GYS2: variants seen among roughly 807,000 people sequenced by gnomAD.
GYS2 encodes the protein glycogen [starch] synthase, liver.
Under a neutral mutation model 85.6 loss-of-function variants are expected in GYS2, and 80 were observed. The observed-to-expected ratio is 0.93, with a 90% CI of 0.78 to 1.13. The LOEUF is 1.13. Among genes scored for constraint, GYS2 ranks in the 50% most tolerant of loss-of-function variants. The pLI is 0.00. For missense variants in GYS2, 881 were observed against 854.9 expected, an observed-to-expected ratio of 1.03 and a Z score of -0.38; for synonymous variants, 328 against 300.7, an observed-to-expected ratio of 1.09 and a Z score of -0.94.
intron 11 of GYS2, among the ~76,000 whole-genome samples, chr12:21,557,544 A>G (rs895124779): frequency 2.0e-5 from 3 of 152,226 alleles, no homozygotes; most frequent in African/African-American, 7.2e-5. Context: ...AACACTATCC[A>G]TGTTAATATC....
At chr12:21,597,230 A>T (rs561000771) in intron 1 of GYS2, among the ~76,000 whole-genome samples, 9 of 152,168 alleles carry the variant, frequency 5.9e-5, no homozygotes, top group African/African-American at 1.9e-4. Flanking sequence ...GCTAAAATAC[A>T]TCTGCACAGT....
intron 1 of GYS2, among the ~76,000 whole-genome samples, chr12:21,585,311 G>C (rs1459000135): frequency 6.6e-6 from 1 of 152,152 alleles, no homozygotes; most frequent in African/African-American, 2.4e-5. Flanking sequence ...GACACTTTGG[G>C]CTCCTCCCAC....
chr12:21,549,411 C>T (rs1944080071), intron 11 of GYS2, among the ~76,000 whole-genome samples: 1 of 152,204 alleles, frequency 6.6e-6, no homozygotes, highest in Non-Finnish European at 1.5e-5. Context: ...AGCATTCTTA[C>T]ATAATCTTAC....
Position 21,536,256 on chromosome 12 carries a change from C to G in GYS2, c.*698G>C, listed in dbSNP as rs1943909315. 6.6e-6 allele frequency: 1 copy of G among 151,898 alleles called. No homozygotes were observed. The highest frequency in any genetic ancestry group is 1.5e-5 in the Non-Finnish European group (1 of 67,992). 9.4% of individuals were successfully genotyped at this position (151,898 alleles called of 1,614,324 possible). A position where few individuals can be genotyped will look rare whatever the true frequency, so the allele number is the denominator to read the frequency against. ...CAAGTTATCATCTATGAAGATTGAC[C>G]AAATTTTAAAAAGGCTTTCTATTTA... On this transcript the variant is annotated 3_prime_UTR_variant, in exon 16 of 16. Coordinates refer to ENST00000261195, the MANE Select transcript of GYS2 (RefSeq NM_021957.4).
intron 4 of GYS2, among the ~76,000 whole-genome samples, chr12:21,573,656 G>T (rs1235009177): frequency 3.3e-5 from 5 of 152,160 alleles, no homozygotes; most frequent in Admixed American, 1.3e-4. Context: ...CAAAGTTACA[G>T]GGAAAACTGA....
intron 1 of GYS2, among the ~76,000 whole-genome samples, chr12:21,589,299 A>G (rs1944608300): frequency 6.6e-6 from 1 of 152,254 alleles, no homozygotes; most frequent in Non-Finnish European, 1.5e-5. Context: ...TGAAATGAAA[A>G]GAAAAACATA....
In GYS2 at chr12:21,576,131, G is replaced by T. The variant is rs11046126; in HGVS notation, c.304-74C>A. 19,849 of 1,201,430 alleles carry T rather than the reference G, an allele frequency of 0.017. 259 individuals are homozygous for T. Among genetic ancestry groups the T allele is most frequent in the Non-Finnish European group, 0.02 (16,310 of 815,872 alleles). The allele number at this position is 1,201,430 out of a possible 1,614,324, so 74.4% of individuals were successfully genotyped here. A position where few individuals can be genotyped will look rare whatever the true frequency, so the allele number is the denominator to read the frequency against. ...CAGGACAATGTATTTGCACTCTGAG[G>T]ATATAAACTTTATGTAGTACTCAAT... On this transcript the variant is annotated intron_variant, in intron 2 of 15. Transcript: ENST00000261195.
intron 1 of GYS2, among the ~76,000 whole-genome samples, chr12:21,596,796 G>C (rs1026359611): frequency 2.0e-5 from 3 of 152,142 alleles, no homozygotes; most frequent in African/African-American, 7.2e-5. Flanking sequence ...AATCAGTAAA[G>C]AGGAAGTCAA....
chr12:21,594,168 C>A (rs1167730293), intron 1 of GYS2, among the ~76,000 whole-genome samples: 1 of 152,086 alleles, frequency 6.6e-6, no homozygotes, highest in Non-Finnish European at 1.5e-5. Context: ...AAGCTGGAAG[C>A]CTTTCCTCTA....
intron 1 of GYS2, among the ~76,000 whole-genome samples, chr12:21,583,977 T>G (rs1238319591): frequency 1.3e-5 from 2 of 152,200 alleles, no homozygotes; most frequent in Admixed American, 6.5e-5. Context: ...GATGGTCTCA[T>G]GGGGAGTTCC....
intron 1 of GYS2, among the ~76,000 whole-genome samples, chr12:21,600,155 T>C (rs900799016): frequency 3.9e-5 from 6 of 152,152 alleles, no homozygotes; most frequent in African/African-American, 1.4e-4. Flanking sequence ...GGTCTCACTC[T>C]GTCACCCCGG....
chr12:21,596,026 G>A (rs1333930562), intron 1 of GYS2, among the ~76,000 whole-genome samples: 1 of 152,024 alleles, frequency 6.6e-6, no homozygotes, highest in African/African-American at 2.4e-5. Context: ...ATTTCTCCAA[G>A]GTAGACCATA....
chr12:21,589,902 C>A (rs886204545), intron 1 of GYS2, among the ~76,000 whole-genome samples: 2 of 152,136 alleles, frequency 1.3e-5, no homozygotes, highest in Admixed American at 6.5e-5. Flanking sequence ...GTTCCTCAGA[C>A]CCCAACATCA....
In GYS2 at chr12:21,579,408, C is replaced by T. The variant is rs1174412188; in HGVS notation, c.303+934G>A. 2.9e-5 allele frequency among the ~76,000 whole-genome samples: 4 copies of T among 137,060 alleles called. No individual in the cohort carries two copies. The East Asian group carries it at 8.7e-4, about 30-fold the overall frequency. 89.9% of individuals were successfully genotyped at this position (137,060 alleles called of 152,430 possible). ...CACTTTTGTTGCCCAAGCAGGCGAGCAATGGCACGATCTCAGCTCATTGCA... is the reference window on the plus strand; with the variant it reads ...CACTTTTGTTGCCCAAGCAGGCGAGTAATGGCACGATCTCAGCTCATTGCA... On this transcript the variant is annotated intron_variant, in intron 2 of 15. Coordinates refer to ENST00000261195, the MANE Select transcript of GYS2 (RefSeq NM_021957.4).
intron 1 of GYS2, among the ~76,000 whole-genome samples, chr12:21,588,266 C>G (rs1339757076): frequency 6.6e-6 from 1 of 152,174 alleles, no homozygotes; most frequent in East Asian, 1.9e-4. Flanking sequence ...TACTATATTT[C>G]TTAAATGTAT....
intron 11 of GYS2, among the ~76,000 whole-genome samples, chr12:21,550,733 G>T (rs1226186462): frequency 6.6e-6 from 1 of 152,130 alleles, no homozygotes; most frequent in Non-Finnish European, 1.5e-5. Flanking sequence ...CTGAGGTCAG[G>T]AGTTCGAGAC....
intron 1 of GYS2, among the ~76,000 whole-genome samples, chr12:21,584,476 T>C (rs1200153418): frequency 6.8e-6 from 1 of 146,428 alleles, no homozygotes; most frequent in East Asian, 2.0e-4. Context: ...AGGCCACTCA[T>C]GTCATCGTCC....
Position 21,558,260 on chromosome 12 carries a change from G to A in GYS2, c.1362C>T (p.Asp454=), listed in dbSNP as rs144580757. ...TTHNMIDDST[D]PILSTIRRIG... ...TCCGTCTAATGGTGCTGAGGATGGGGTCGGTGGAGTCATCAATCATGTTGT... is the reference window on the plus strand; with the variant it reads ...TCCGTCTAATGGTGCTGAGGATGGGATCGGTGGAGTCATCAATCATGTTGT... The change falls in exon 11 of 16, where the codon GAC becomes GAT. Residue 454 remains aspartate (D), a synonymous_variant. Coordinates refer to ENST00000261195, the MANE Select transcript of GYS2 (RefSeq NM_021957.4). The A allele has an allele frequency of 2.9e-5, 47 of 1,613,866 alleles. No individual in the cohort carries two copies. The highest frequency in any genetic ancestry group is 3.7e-5 in the Non-Finnish European group (44 of 1,179,864).
At chr12:21,548,403 T>C (rs1194981149) in intron 11 of GYS2, among the ~76,000 whole-genome samples, 3 of 152,154 alleles carry the variant, frequency 2.0e-5, no homozygotes, top group Admixed American at 1.3e-4. Flanking sequence ...CACATCATTA[T>C]AAAGCATTTG....
Sources: allele counts gnomAD v4.1 joint callset (sites outside exome capture counted in the v4.1 genomes callset), GRCh38; gene constraint gnomAD v4.1.1; transcripts MANE v1.5; gene names NCBI Gene and HGNC (gene_info 2026-07-23, HGNC 2026-07-21).